The following NFYC variants were observed in gnomAD, a reference collection of about 807,000 sequenced individuals.
NFYC encodes nuclear transcription factor Y subunit gamma.
A neutral mutation model predicts 53.1 loss-of-function variants in NFYC; 25 were observed. The ratio of observed to expected loss-of-function variants is 0.47; its 90% CI spans 0.34 to 0.66. The LOEUF is 0.66. Among genes scored for constraint, NFYC ranks in the 30% least tolerant of loss-of-function variants. The probability of loss-of-function intolerance (pLI) is 0.01; values close to 1 mark genes in which losing one functional copy is unlikely to be tolerated. For synonymous variants in NFYC, 145 were observed against 152.6 expected, an observed-to-expected ratio of 0.95 and a Z score of 0.37; for missense variants, 260 against 422.7, an observed-to-expected ratio of 0.62 and a Z score of 3.38.
intron 1 of NFYC, among the ~76,000 whole-genome samples, chr1:40,706,628 T>C (rs550811568): frequency 2.0e-5 from 3 of 152,122 alleles, no homozygotes; most frequent in Admixed American, 6.5e-5. Flanking sequence ...TAATGAATGG[T>C]GAGATGCTTG....
chr1:40,769,620 A>G (rs1159305599), intron 9 of NFYC, among the ~76,000 whole-genome samples: 1 of 152,166 alleles, frequency 6.6e-6, no homozygotes, highest in African/African-American at 2.4e-5. Flanking sequence ...ATAATCTTAG[A>G]CATGTAGCCC....
chr1:40,697,870 G>C (rs1643234752), intron 1 of NFYC, among the ~76,000 whole-genome samples: 1 of 152,188 alleles, frequency 6.6e-6, no homozygotes, highest in Admixed American at 6.5e-5. Context: ...ATAGCAGTGA[G>C]ACAGCACCTG....
intron 8 of NFYC, among the ~76,000 whole-genome samples, chr1:40,768,464 G>T (rs3754179): frequency 0.21 from 32,545 of 152,114 alleles, 4,114 homozygotes; most frequent in South Asian, 0.41. Context: ...AGGCCTGCAG[G>T]GGTTGTTTTT....
In NFYC at chr1:40,771,347, G is replaced by A. The variant is rs1228038648; in HGVS notation, c.*519G>A. 2.2e-6 allele frequency: 1 copy of A among 447,506 alleles called. No individual in the cohort carries two copies. The highest frequency in any genetic ancestry group is 4.7e-6 in the Non-Finnish European group (1 of 214,978). 27.7% of individuals were successfully genotyped at this position (447,506 alleles called of 1,614,324 possible). ...ACTCGTGGTCCTCTCCCCATCCCTT[G>A]CTCTGACCCCAGAGCTCTGTGTATT... On this transcript the variant is annotated 3_prime_UTR_variant, in exon 10 of 10. Coordinates refer to ENST00000447388, the MANE Select transcript of NFYC (RefSeq NM_014223.5).
intron 1 of NFYC, among the ~76,000 whole-genome samples, chr1:40,705,589 A>G (rs1049362385): frequency 6.6e-5 from 10 of 152,194 alleles, no homozygotes; most frequent in African/African-American, 2.4e-4. Flanking sequence ...TAGTTGTTTC[A>G]TGCTCTTATA....
At chr1:40,703,002 A>T (rs1008637488) in intron 1 of NFYC, among the ~76,000 whole-genome samples, 1 of 151,998 alleles carries the variant, frequency 6.6e-6, no homozygotes. Flanking sequence ...TTTTTAGTGG[A>T]GACGGGGTTT....
intron 4 of NFYC, among the ~76,000 whole-genome samples, chr1:40,751,602 A>G (rs187185665): frequency 3.0e-4 from 45 of 152,160 alleles, no homozygotes; most frequent in African/African-American, 1.1e-3. Context: ...TGTAGAGATG[A>G]GGCCTTACTA....
chr1:40,759,849 G>A (rs1050997510), intron 6 of NFYC, among the ~76,000 whole-genome samples: 6 of 152,076 alleles, frequency 3.9e-5, no homozygotes, highest in Admixed American at 2.0e-4. Context: ...GACCATCTAC[G>A]CAAGTTTGGA....
At position 40,733,039 on chromosome 1, in the gene NFYC, G is replaced by T. The variant is rs534903201; in HGVS notation, c.-8-5797G>T. The stretch of plus-strand genomic sequence containing the variant: ...CCCCCCTTTTTTTTTTTTCCTGAAA[G>T]GCCATACCCAGCATCAGTCTTGCAC... On this transcript the variant is annotated intron_variant, in intron 1 of 9. Transcript: ENST00000447388. Among the ~76,000 whole-genome samples the T allele has an allele frequency of 4.2e-4, 47 of 112,638 alleles. No individual in the cohort carries two copies. The East Asian group carries it at 0.012, about 28-fold the overall frequency. 73.9% of individuals were successfully genotyped at this position (112,638 alleles called of 152,430 possible). A position where few individuals can be genotyped will look rare whatever the true frequency, so the allele number is the denominator to read the frequency against.
At chr1:40,692,731 C>A (rs1345490313) in intron 1 of NFYC, among the ~76,000 whole-genome samples, 2 of 152,062 alleles carry the variant, frequency 1.3e-5, no homozygotes, top group African/African-American at 4.8e-5. Flanking sequence ...AGCAAGTAAA[C>A]CGAGAGAGGA....
At chr1:40,699,501 G>T (rs2148412731) in intron 1 of NFYC, among the ~76,000 whole-genome samples, 1 of 152,276 alleles carries the variant, frequency 6.6e-6, no homozygotes, top group Admixed American at 6.5e-5. Flanking sequence ...AATTATTACT[G>T]TACCCTGAAA....
At chr1:40,695,100 A>G (rs1469017368) in intron 1 of NFYC, among the ~76,000 whole-genome samples, 7 of 152,066 alleles carry the variant, frequency 4.6e-5, no homozygotes, top group African/African-American at 1.7e-4. Context: ...TTAGCCTGGC[A>G]TGGTGGTGGG....
chr1:40,762,747 A>G (rs747481243), intron 6 of NFYC, 141 bp from the exon 7 acceptor site: 19 of 698,500 alleles, frequency 2.7e-5, no homozygotes, highest in Non-Finnish European at 4.1e-5. Context: ...AGGACTCTGT[A>G]GGTTATTACT....
chr1:40,753,144 G>A lies in NFYC; in HGVS notation c.292-7G>A. 1 of 1,605,480 alleles carries A rather than the reference G, an allele frequency of 6.2e-7. No individual in the cohort carries two copies. The highest frequency in any genetic ancestry group is 1.1e-5 in the South Asian group (1 of 90,918). ...CTAATTTTTCACACCGCTCTTCTTT[G>A]TTACAGAGAAATGATATCGCCATGG... On this transcript the variant is annotated splice_region_variant and splice_polypyrimidine_tract_variant and intron_variant, in intron 4 of 9. Transcript: ENST00000447388.
At chr1:40,754,277 G>A (rs1646083596) in intron 5 of NFYC, 1 of 533,224 alleles carries the variant, frequency 1.9e-6, no homozygotes, top group African/African-American at 1.9e-5. Flanking sequence ...GACCCTGCAT[G>A]AGGGCCTTTG....
In NFYC at chr1:40,691,814, G is replaced by A. The variant is rs1482600883; in HGVS notation, c.-62G>A. On this transcript the variant is annotated 5_prime_UTR_variant, in exon 1 of 10. Coordinates refer to ENST00000447388, the MANE Select transcript of NFYC (RefSeq NM_014223.5). ...CCGCGCCTGGGCCTCTGCATTGCCC[G>A]ACTCCGTAGGAGCGCGGGGGCGGCT... The A allele has an allele frequency of 2.3e-6, 1 of 443,482 alleles. No homozygotes were observed. Among genetic ancestry groups the A allele is most frequent in the Non-Finnish European group, 4.5e-6 (1 of 220,674 alleles). The allele number at this position is 443,482 out of a possible 1,614,324, so 27.5% of individuals were successfully genotyped here. A position where few individuals can be genotyped will look rare whatever the true frequency, so the allele number is the denominator to read the frequency against.
At position 40,770,673 on chromosome 1, in the gene NFYC, G is replaced by C. The variant is rs939496497; in HGVS notation, c.889-36G>C. The C allele has an allele frequency of 2.5e-6, 4 of 1,614,042 alleles. No individual in the cohort carries two copies. Among genetic ancestry groups the C allele is most frequent in the South Asian group, 2.2e-5 (2 of 91,068 alleles). ...TAGGGAGCTGCATGCCCCTCTCCCA[G>C]GGATGACCTCACTCTCTCCTCTCCA... On this transcript the variant is annotated intron_variant, in intron 9 of 9. Coordinates refer to ENST00000447388, the MANE Select transcript of NFYC (RefSeq NM_014223.5). This position sits in a 1 kb window ranked among gnomAD's most constrained non-coding sequence, Gnocchi z 5.3.
chr1:40,714,924 C>T (rs923863120), intron 1 of NFYC, among the ~76,000 whole-genome samples: 2 of 151,514 alleles, frequency 1.3e-5, no homozygotes, highest in African/African-American at 4.9e-5. Flanking sequence ...ACTAAAAATA[C>T]AAAAAATTAG....
chr1:40,744,383 C>G (rs887237386), intron 2 of NFYC, among the ~76,000 whole-genome samples: 1 of 152,200 alleles, frequency 6.6e-6, no homozygotes, highest in Non-Finnish European at 1.5e-5. Context: ...GTGATTCTAA[C>G]CTGCAGCCCC....
Sources: allele counts gnomAD v4.1 joint callset (sites outside exome capture counted in the v4.1 genomes callset), GRCh38; gene constraint gnomAD v4.1.1; non-coding constraint Gnocchi (gnomAD v3.1); transcripts MANE v1.5; gene names NCBI Gene and HGNC (gene_info 2026-07-23, HGNC 2026-07-21).